Variants in AIPL1 observed in about 807,000 individuals in gnomAD.
The protein encoded by AIPL1 is aryl-hydrocarbon-interacting protein-like 1.
A neutral mutation model predicts 32.9 loss-of-function variants in AIPL1; 23 were observed. That is an observed-to-expected ratio of 0.70 (90% CI 0.50 to 0.99). The LOEUF (loss-of-function observed/expected upper bound fraction) is 0.99. Ranked by LOEUF, AIPL1 falls within the 50% of genes least tolerant of loss-of-function variation. The pLI is 0.00. For missense variants in AIPL1, 485 were observed against 506.0 expected (o/e 0.96, Z 0.40); for synonymous variants, 210 against 209.4 (o/e 1.00, Z -0.02).
chr17:6,426,712 G>A lies in AIPL1; in HGVS notation c.687C>T (p.Ile229=), dbSNP rs1475608454. 1 of 1,613,942 alleles carries A rather than the reference G, an allele frequency of 6.2e-7. No individual in the cohort carries two copies. Among genetic ancestry groups the A allele is most frequent in the Non-Finnish European group, 8.5e-7 (1 of 1,179,972 alleles). Residue 229 remains isoleucine (I), a synonymous_variant, in exon 5 of 6, where the codon ATC becomes ATT. Coordinates refer to ENST00000381129, the MANE Select transcript of AIPL1 (RefSeq NM_014336.5). ...EVQWLKLEKM[I]NTLILNYCQC... ...GGCAGTAGTTGAGGATCAGAGTATT[G>A]ATCATCTTCTCCAGCTTCAGCCACT...
intron 2 of AIPL1, among the ~76,000 whole-genome samples, chr17:6,431,203 T>G (rs1483964531): frequency 1.3e-5 from 2 of 151,896 alleles, no homozygotes; most frequent in Non-Finnish European, 2.9e-5. Context: ...CCCAACACTT[T>G]GGGAGGCCGA....
Position 6,433,906 on chromosome 17 carries a change from A to G in AIPL1, c.276+13T>C. ...GACTAGTCCCAGGAGACAGGCGCGC[A>G]GGGCCTACTTACGATGGTGTCGCAC... On this transcript the variant is annotated intron_variant, in intron 2 of 5. Coordinates refer to ENST00000381129, the MANE Select transcript of AIPL1 (RefSeq NM_014336.5). 6.2e-7 allele frequency: 1 copy of G among 1,612,776 alleles called. No homozygotes were observed. Among genetic ancestry groups the G allele is most frequent in the Non-Finnish European group, 8.5e-7 (1 of 1,179,578 alleles).
At chr17:6,434,353 G>GTT (rs559325581) in intron 1 of AIPL1, among the ~76,000 whole-genome samples, 1 of 91,410 alleles carries the variant, frequency 1.1e-5, no homozygotes, top group Non-Finnish European at 2.2e-5. Context: ...GTAAGCCCGA[G>GTT]TTCTTTTTTT....
In AIPL1 at chr17:6,435,088, A is replaced by G; in HGVS notation, c.17T>C (p.Leu6Pro). 1 of 1,614,114 alleles carries G rather than the reference A, an allele frequency of 6.2e-7. No homozygotes were observed. Among genetic ancestry groups the G allele is most frequent in the Non-Finnish European group, 8.5e-7 (1 of 1,179,994 alleles). Residue 6 changes from leucine (L) to proline (P), a missense_variant, in exon 1 of 6, where the codon CTC becomes CCC. Coordinates refer to ENST00000381129, the MANE Select transcript of AIPL1 (RefSeq NM_014336.5). MDAAL[L>P]LNVEGVKKTI... ...TTTCTTGACCCCTTCCACGTTCAGG[A>G]GCAGAGCGGCATCCATGGCTGCAGG...
chr17:6,428,755 C>T (rs779299773), intron 2 of AIPL1, among the ~76,000 whole-genome samples: 17 of 152,228 alleles, frequency 1.1e-4, no homozygotes, highest in East Asian at 3.8e-4. Context: ...AGCCCAGAGA[C>T]GCAAAGCAAC....
intron 5 of AIPL1, chr17:6,426,088 C>G: frequency 8.0e-7 from 1 of 1,247,874 alleles, no homozygotes; most frequent in Non-Finnish European, 1.1e-6. Context: ...ATAGACGCTA[C>G]CTAAATTAGA....
At chr17:6,433,025 A>T (rs533720590) in intron 2 of AIPL1, among the ~76,000 whole-genome samples, 14 of 152,334 alleles carry the variant, frequency 9.2e-5, no homozygotes, top group Admixed American at 4.6e-4. Context: ...AAGCAAGACC[A>T]GCCGCGGGTT....
At chr17:6,433,583 C>CCTCT (rs759954487) in intron 2 of AIPL1, among the ~76,000 whole-genome samples, 14 of 43,666 alleles carry the variant, frequency 3.2e-4, no homozygotes, top group South Asian at 1.1e-3. Flanking sequence ...AGAGCGAGAC[C>CCTCT]CTATCTCTCT....
chr17:6,434,052 A>G lies in AIPL1; in HGVS notation c.143T>C (p.Val48Ala), dbSNP rs11543067. ...GCCCACCTGCCGACTGTCGTCAATGACTGTCCGCTCCTCATCACATTTCAT... is the reference window on the plus strand; with the variant it reads ...GCCCACCTGCCGACTGTCGTCAATGGCTGTCCGCTCCTCATCACATTTCAT... ...RTMKCDEERTVIDDSRQVGQP... is the reference protein window; with the variant it reads ...RTMKCDEERTAIDDSRQVGQP... The change falls in exon 2 of 6, where the codon GTC (valine) becomes GCC (alanine). Residue 48 changes from valine to alanine, a missense_variant. Val to Ala is a moderately conservative substitution (Grantham distance 64, BLOSUM62 0). Coordinates refer to ENST00000381129, the MANE Select transcript of AIPL1 (RefSeq NM_014336.5). The G allele has an allele frequency of 6.2e-7, 1 of 1,614,010 alleles. No homozygotes were observed. The highest frequency in any genetic ancestry group is 8.5e-7 in the Non-Finnish European group (1 of 1,179,990).
chr17:6,426,881 C>T lies in AIPL1; in HGVS notation c.642G>A (p.Lys214=), dbSNP rs747890893. Residue 214 remains lysine (K), a splice_region_variant and synonymous_variant, in exon 4 of 6, where the codon AAG becomes AAA. Transcript: ENST00000381129. ...CCACCCCTGGCCAGCGGCCTCTGAC[C>T]TTGGTCTGCAGGTTCCTTAGGCAGA... is the stretch of plus-strand genomic sequence containing the variant. ...AIICLRNLQT[K]EKPWEVQWLK... The T allele has an allele frequency of 1.1e-5, 18 of 1,614,052 alleles. No homozygotes were observed. The highest frequency in any genetic ancestry group is 4.0e-5 in the African/African-American group (3 of 74,948).
intron 2 of AIPL1, 132 bp from the exon 3 acceptor site, chr17:6,428,638 T>C (rs1404883681): frequency 1.2e-6 from 1 of 846,240 alleles, no homozygotes; most frequent in East Asian, 2.6e-5. Context: ...CTAACTGTGG[T>C]TAACTGTGTG....
At chr17:6,427,163 T>C in intron 3 of AIPL1, 106 bp from the exon 4 acceptor site, 1 of 1,305,216 alleles carries the variant, frequency 7.7e-7, no homozygotes, top group Non-Finnish European at 1.1e-6. Context: ...AAGTCATGCT[T>C]GCTGGTCAAG....
rs1358515737 is a variant in AIPL1, at chr17:6,426,890, C to A, written c.633G>T (p.Leu211=). The change falls in exon 4 of 6, where the codon CTG becomes CTT. Residue 211 remains leucine (L), a synonymous_variant. Transcript: ENST00000381129. ...GCCAGCGGCCTCTGACCTTGGTCTG[C>A]AGGTTCCTTAGGCAGATGATGGCCT... ...YQEAIICLRN[L]QTKEKPWEVQ... is the part of the protein sequence containing the mutation. 2 of 1,614,072 alleles carry A rather than the reference C, an allele frequency of 1.2e-6. No individual in the cohort carries two copies. The highest frequency in any genetic ancestry group is 1.7e-6 in the Non-Finnish European group (2 of 1,180,062).
At chr17:6,426,419 A>T in intron 5 of AIPL1, 196 bp downstream of exon 5, 1 of 1,438,246 alleles carries the variant, frequency 7.0e-7, no homozygotes, top group Non-Finnish European at 9.1e-7. Context: ...ACATTAAAAT[A>T]AAGGGCCGCC....
At chr17:6,431,316 G>A (rs1597336330) in intron 2 of AIPL1, among the ~76,000 whole-genome samples, 1 of 151,500 alleles carries the variant, frequency 6.6e-6, no homozygotes, top group African/African-American at 2.4e-5. Context: ...AAAGCCAGGT[G>A]TGGTGGCAGG....
intron 3 of AIPL1, 120 bp downstream of exon 3, chr17:6,428,198 G>C: frequency 1.8e-6 from 2 of 1,125,344 alleles, no homozygotes; most frequent in East Asian, 2.5e-5. Context: ...GAACCCTCTC[G>C]TATTATCTAA....
At chr17:6,434,147 C>G (rs201702198) in intron 1 of AIPL1, 49 bp from the exon 2 acceptor site, 1 of 1,595,140 alleles carries the variant, frequency 6.3e-7, no homozygotes, top group East Asian at 2.2e-5. Context: ...GTTCAAGGCC[C>G]GGCAGAAGCC....
At chr17:6,426,797 C>T in intron 4 of AIPL1, 41 bp from the exon 5 acceptor site, 1 of 1,612,502 alleles carries the variant, frequency 6.2e-7, no homozygotes, top group East Asian at 2.2e-5. Flanking sequence ...AGGCAGCTGC[C>T]CAACCCCCGC....
At chr17:6,426,442 C>T in intron 5 of AIPL1, 173 bp downstream of exon 5, 1 of 1,473,380 alleles carries the variant, frequency 6.8e-7, no homozygotes, top group Non-Finnish European at 9.0e-7. Context: ...GCGCCAAGCA[C>T]TGCCCATCCA....
Sources: gnomAD v4.1 joint callset for allele counts (sites outside exome capture counted in the v4.1 genomes callset) on GRCh38, gnomAD v4.1.1 for gene constraint, MANE v1.5 for transcripts, NCBI Gene and HGNC (gene_info 2026-07-23, HGNC 2026-07-21) for gene names.